Variants in ADAMTS3 observed in about 807,000 individuals in gnomAD.
The protein encoded by ADAMTS3 is ADAM metallopeptidase with thrombospondin type 1 motif 3.
A neutral mutation model predicts 129.0 loss-of-function variants in ADAMTS3; 73 were observed. The ratio of observed to expected loss-of-function variants is 0.57; its 90% CI spans 0.47 to 0.69. The LOEUF (loss-of-function observed/expected upper bound fraction) is 0.69. ADAMTS3 is among the 30% of genes least tolerant of loss of function. The probability of loss-of-function intolerance (pLI) is 0.00; values close to 1 mark genes in which losing one functional copy is unlikely to be tolerated. For missense variants in ADAMTS3, 1,457 were observed against 1,514.5 expected, an observed-to-expected ratio of 0.96 and a Z score of 0.63; for synonymous variants, 477 against 510.8, an observed-to-expected ratio of 0.93 and a Z score of 0.89.
At chr4:72,310,397 A>C (rs1300755195) in intron 14 of ADAMTS3, among the ~76,000 whole-genome samples, 2 of 152,090 alleles carry the variant, frequency 1.3e-5, no homozygotes, top group Non-Finnish European at 2.9e-5. Context: ...CTTTCAGGAA[A>C]ATGTAAGCTC....
intron 14 of ADAMTS3, among the ~76,000 whole-genome samples, chr4:72,310,574 T>C (rs1249526382): frequency 6.6e-6 from 1 of 152,108 alleles, no homozygotes; most frequent in African/African-American, 2.4e-5. Context: ...CAAAAAAACA[T>C]GTTTGCTTCT....
chr4:72,525,231 C>A (rs942637734), intron 3 of ADAMTS3, among the ~76,000 whole-genome samples: 3 of 152,188 alleles, frequency 2.0e-5, no homozygotes, highest in Non-Finnish European at 4.4e-5. Context: ...AGCCTAAAGA[C>A]CCCACTTCTA....
chr4:72,429,354 G>A (rs1722642736), intron 3 of ADAMTS3, among the ~76,000 whole-genome samples: 1 of 151,996 alleles, frequency 6.6e-6, no homozygotes, highest in African/African-American at 2.4e-5. Context: ...AACTCAAGGT[G>A]TCTTAACAGA....
chr4:72,315,497 T>C (rs1376288727), intron 11 of ADAMTS3, among the ~76,000 whole-genome samples: 1 of 152,084 alleles, frequency 6.6e-6, no homozygotes. Flanking sequence ...AATCAAGAAA[T>C]GTGGGGTGGC....
intron 3 of ADAMTS3, among the ~76,000 whole-genome samples, chr4:72,429,549 A>T (rs953877514): frequency 6.6e-6 from 1 of 152,068 alleles, no homozygotes; most frequent in South Asian, 2.1e-4. Flanking sequence ...TATTAAACAT[A>T]CCAAAGTGCA....
intron 4 of ADAMTS3, among the ~76,000 whole-genome samples, chr4:72,394,044 A>G (rs928264205): frequency 6.6e-5 from 10 of 152,204 alleles, no homozygotes; most frequent in Non-Finnish European, 1.2e-4. Context: ...GGAACAGATT[A>G]AAGAGTGGAT....
chr4:72,282,939 C>A lies in ADAMTS3; in HGVS notation c.*197G>T. The A allele has an allele frequency of 2.2e-6, 1 of 456,402 alleles. No individual in the cohort carries two copies. Among genetic ancestry groups the A allele is most frequent in the Non-Finnish European group, 3.9e-6 (1 of 258,658 alleles). The allele number at this position is 456,402 out of a possible 1,614,324, so 28.3% of individuals were successfully genotyped here. A position where few individuals can be genotyped will look rare whatever the true frequency, so the allele number is the denominator to read the frequency against. On this transcript the variant is annotated 3_prime_UTR_variant, in exon 22 of 22. Coordinates refer to ENST00000286657, the MANE Select transcript of ADAMTS3 (RefSeq NM_014243.3). ...CTTTGGTGATTTCTTCCAATGAATT[C>A]TGGTAAATGAGTCAATGCAGAACAA...
intron 3 of ADAMTS3, among the ~76,000 whole-genome samples, chr4:72,516,783 C>T (rs1366191694): frequency 5.9e-5 from 9 of 152,144 alleles, no homozygotes; most frequent in East Asian, 1.9e-4. Context: ...CATCTGCAAA[C>T]AGGGACAATT....
chr4:72,368,109 T>C (rs1720917578), intron 4 of ADAMTS3, among the ~76,000 whole-genome samples: 1 of 152,228 alleles, frequency 6.6e-6, no homozygotes, highest in Non-Finnish European at 1.5e-5. Flanking sequence ...ATGTATAGTA[T>C]GTAGTCATAT....
intron 4 of ADAMTS3, among the ~76,000 whole-genome samples, chr4:72,344,481 T>C (rs931472543): frequency 3.3e-5 from 5 of 152,148 alleles, no homozygotes; most frequent in African/African-American, 1.2e-4. Flanking sequence ...CTACCCAATA[T>C]TCATTCTCTC....
rs972291555 is a variant in ADAMTS3 at position 72,281,701 on chromosome 4, C to T, written c.*1435G>A. ...CTTTTGAGTTGGCTGTAGTAGTTTG[C>T]TTAAAGGTCTCTATGCACAGAACAA... On this transcript the variant is annotated 3_prime_UTR_variant, in exon 22 of 22. Transcript: ENST00000286657. 1.3e-5 allele frequency: 2 copies of T among 152,048 alleles called. No homozygotes were observed. The highest frequency in any genetic ancestry group is 4.8e-5 in the African/African-American group (2 of 41,398). The allele number at this position is 152,048 out of a possible 1,614,324, so 9.4% of individuals were successfully genotyped here. A position where few individuals can be genotyped will look rare whatever the true frequency, so the allele number is the denominator to read the frequency against.
At position 72,518,344 on chromosome 4, in the gene ADAMTS3, C is replaced by G. The variant is rs576669341; in HGVS notation, c.504+30134G>C. Among the ~76,000 whole-genome samples, 17 of 152,210 alleles carry G rather than the reference C, an allele frequency of 1.1e-4. No individual in the cohort carries two copies. The South Asian group carries it at 2.9e-3, about 26-fold the overall frequency. On this transcript the variant is annotated intron_variant, in intron 3 of 21. Transcript: ENST00000286657. The stretch of plus-strand genomic sequence containing the variant: ...ATGGGGTGGAGAGTTCTGTAGATGT[C>G]TATTAGGTACACTTGGTGCAGAGCT...
intron 4 of ADAMTS3, among the ~76,000 whole-genome samples, chr4:72,340,823 A>G (rs1396887799): frequency 6.6e-6 from 1 of 152,202 alleles, no homozygotes. Flanking sequence ...TTAAAATTAG[A>G]GAGTATTCAA....
chr4:72,536,889 TA>T (rs200545889), intron 3 of ADAMTS3, among the ~76,000 whole-genome samples: 1 of 152,128 alleles, frequency 6.6e-6, no homozygotes, highest in African/African-American at 2.4e-5. Context: ...TTATTCCCAC[TA>T]AAAAAACCCA....
chr4:72,311,664 G>A (rs2109797325), intron 13 of ADAMTS3, among the ~76,000 whole-genome samples: 1 of 152,150 alleles, frequency 6.6e-6, no homozygotes, highest in South Asian at 2.1e-4. Flanking sequence ...AATTCTTAAC[G>A]TGTATTCCTC....
At chr4:72,302,075 A>G (rs1485699974) in intron 17 of ADAMTS3, among the ~76,000 whole-genome samples, 1 of 152,154 alleles carries the variant, frequency 6.6e-6, no homozygotes, top group Non-Finnish European at 1.5e-5. Context: ...GTAAGGAAGA[A>G]TAAAACTAGG....
chr4:72,526,747 T>C (rs1418608794), intron 3 of ADAMTS3, among the ~76,000 whole-genome samples: 16 of 59,864 alleles, frequency 2.7e-4, no homozygotes, highest in Admixed American at 5.2e-4. Flanking sequence ...TATATATATA[T>C]ATATATATAT....
At chr4:72,414,458 C>A (rs568832739) in intron 4 of ADAMTS3, among the ~76,000 whole-genome samples, 1 of 151,842 alleles carries the variant, frequency 6.6e-6, no homozygotes, top group Non-Finnish European at 1.5e-5. Context: ...TAGTATACAT[C>A]CTTTAAAAGG....
chr4:72,453,707 C>T (rs1718468700), intron 3 of ADAMTS3, among the ~76,000 whole-genome samples: 1 of 151,404 alleles, frequency 6.6e-6, no homozygotes, highest in East Asian at 2.0e-4. Context: ...AGGATGGGTA[C>T]TTGTTAATTT....
Sources: gnomAD v4.1 joint callset for allele counts (sites outside exome capture counted in the v4.1 genomes callset) on GRCh38, gnomAD v4.1.1 for gene constraint, MANE v1.5 for transcripts, NCBI Gene and HGNC (gene_info 2026-07-23, HGNC 2026-07-21) for gene names.